The following IGF2BP1 variants were observed in gnomAD, a reference collection of about 807,000 sequenced individuals.
IGF2BP1 encodes the protein insulin like growth factor 2 mRNA binding protein 1.
IGF2BP1 carries 11 observed loss-of-function variants against 74.9 expected under a neutral mutation model. That is an observed-to-expected ratio of 0.15 (90% confidence interval 0.09 to 0.24). The LOEUF (loss-of-function observed/expected upper bound fraction) is 0.24. Ranked by LOEUF, IGF2BP1 falls within the 10% of genes least tolerant of loss-of-function variation. IGF2BP1 has a pLI of 1.00. For missense variants in IGF2BP1, 440 were observed against 757.4 expected, an observed-to-expected ratio of 0.58 and a Z score of 4.92; for synonymous variants, 287 against 281.8, an observed-to-expected ratio of 1.02 and a Z score of -0.18.
At chr17:49,034,573 CTATAAAAATTACAAAA>C (rs2041962471) in intron 5 of IGF2BP1, among the ~76,000 whole-genome samples, 1 of 151,714 alleles carries the variant, frequency 6.6e-6, no homozygotes, top group Non-Finnish European at 1.5e-5. Context: ...AACCCCATCT[CTATAAAAATTACAAAA>C]TATTAGCTGG....
intron 2 of IGF2BP1, among the ~76,000 whole-genome samples, chr17:49,007,047 T>C (rs961735994): frequency 1.4e-4 from 22 of 152,104 alleles, no homozygotes; most frequent in African/African-American, 5.3e-4. Context: ...AGTAGGGACA[T>C]TGGTGAGAGG....
At chr17:49,017,615 T>A (rs533290577) in intron 2 of IGF2BP1, among the ~76,000 whole-genome samples, 2 of 152,306 alleles carry the variant, frequency 1.3e-5, no homozygotes, top group South Asian at 4.1e-4. Context: ...ATTCATTTAT[T>A]TATTATTTTT....
Position 49,041,494 on chromosome 17 carries a change from T to C in IGF2BP1, c.935T>C (p.Ile312Thr). ...VEQDTETKIT[I>T]SSLQDLTLYN... ...CAAGATACCGAGACAAAAATCACCA[T>C]CTCCTCGTAAGGCTCTCTTCTATTT... The change falls in exon 8 of 15, where the codon ATC (isoleucine) becomes ACC (threonine). Residue 312 changes from isoleucine (I) to threonine (T), a missense_variant. Ile to Thr is a moderately conservative substitution (Grantham distance 89). This residue lies in a region of IGF2BP1 where 184 missense variants were observed against 273.4 expected (regional missense o/e 0.67). Coordinates refer to ENST00000290341, the MANE Select transcript of IGF2BP1 (RefSeq NM_006546.4). 6.2e-7 allele frequency: 1 copy of C among 1,614,088 alleles called. No individual in the cohort carries two copies. The highest frequency in any genetic ancestry group is 8.5e-7 in the Non-Finnish European group (1 of 1,180,022).
At chr17:49,040,238 TC>T (rs2042035779) in intron 7 of IGF2BP1, 147 bp downstream of exon 7, 1 of 962,638 alleles carries the variant, frequency 1.0e-6, no homozygotes, top group African/African-American at 1.6e-5. Context: ...AAATCTTTCT[TC>T]TTACAGGACT....
rs59508101 is a variant in IGF2BP1, at chr17:49,055,836, GTTTT to G, written c.*6411_*6414del. Among the ~76,000 whole-genome samples the G allele has an allele frequency of 1.6e-5, 2 of 125,888 alleles. No individual in the cohort carries two copies. Among genetic ancestry groups the G allele is most frequent in the African/African-American group, 3.1e-5 (1 of 32,532 alleles). 82.6% of individuals were successfully genotyped at this position (125,888 alleles called of 152,430 possible). On this transcript the variant is annotated 3_prime_UTR_variant, in exon 15 of 15. Transcript: ENST00000290341. Reference sequence around the variant, plus strand: ...AGCTGGAGGCCTACTGCTTGGGACAGTTTTTTTTTTTTTTTTTTTTTTAAATATG... The same window carrying G: ...AGCTGGAGGCCTACTGCTTGGGACAGTTTTTTTTTTTTTTTTTTAAATATG...
In IGF2BP1 at chr17:48,997,874, C is replaced by A. The variant is rs779218009; in HGVS notation, c.129C>A (p.Asp43Glu). 3.7e-6 allele frequency: 6 copies of A among 1,614,078 alleles called. No homozygotes were observed. The highest frequency in any genetic ancestry group is 1.1e-5 in the South Asian group (1 of 91,082). The change falls in exon 1 of 15, where the codon GAC (aspartate) becomes GAA (glutamate). Residue 43 changes from aspartate to glutamate, a missense_variant. By Grantham distance (45) the Asp-to-Glu change is conservative. This residue lies in a region of IGF2BP1 where 105 missense variants were observed against 199.4 expected (regional missense o/e 0.53). Transcript: ENST00000290341. The surrounding 1 kb of genome is among the most constrained non-coding windows in gnomAD (Gnocchi z 4.8). ...FLVKSGYAFV[D>E]CPDEHWAMKA... ...TCAAATCCGGCTACGCCTTCGTGGA[C>A]TGCCCGGACGAGCACTGGGCGATGA...
chr17:49,044,547 A>G (rs1254466134), intron 11 of IGF2BP1, among the ~76,000 whole-genome samples: 1 of 152,280 alleles, frequency 6.6e-6, no homozygotes. Context: ...AGAATCTGTC[A>G]TAGTGAAACA....
chr17:48,999,017 T>A, intron 1 of IGF2BP1, 92 bp from the exon 2 acceptor site: 1 of 767,044 alleles, frequency 1.3e-6, no homozygotes, highest in Non-Finnish European at 2.3e-6. Flanking sequence ...TCCCAGTAAC[T>A]CCTGAATTAT....
At position 49,025,659 on chromosome 17, in the gene IGF2BP1, G is replaced by A. The variant is rs759839830; in HGVS notation, c.278G>A (p.Arg93Gln). The A allele has an allele frequency of 5.6e-6, 9 of 1,611,926 alleles. No individual in the cohort carries two copies. The highest frequency in any genetic ancestry group is 2.0e-4 in the Middle Eastern group (1 of 5,052). ...IQIRNIPPQLRWEVLDSLLAQ... is the reference protein window; with the variant it reads ...IQIRNIPPQLQWEVLDSLLAQ... The stretch of plus-strand genomic sequence containing the variant: ...ATCCGAAATATTCCACCCCAGCTCC[G>A]ATGGGAAGTAAGTGTTTGGGGGAAA... Residue 93 changes from arginine (R) to glutamine (Q), a missense_variant, in exon 3 of 15, where the codon CGA becomes CAA. Physicochemically the swap from Arg to Gln is conservative, Grantham distance 43. Around this residue, in one of 5 missense-constraint regions of IGF2BP1, gnomAD observed 105 missense variants for 199.4 expected, o/e 0.53. Transcript: ENST00000290341.
At chr17:49,047,745 G>A (rs927946205) in intron 14 of IGF2BP1, among the ~76,000 whole-genome samples, 1 of 143,040 alleles carries the variant, frequency 7.0e-6, no homozygotes, top group African/African-American at 2.6e-5. Flanking sequence ...ACAGGGTCTC[G>A]CTCTGCCATC....
chr17:49,043,055 T>A (rs903041905), intron 9 of IGF2BP1, among the ~76,000 whole-genome samples: 6 of 152,098 alleles, frequency 3.9e-5, no homozygotes, highest in Non-Finnish European at 5.9e-5. Context: ...GTCCTAGAAG[T>A]CCAATGGAGC....
chr17:49,023,537 T>C (rs981487895), intron 2 of IGF2BP1, among the ~76,000 whole-genome samples: 5 of 152,182 alleles, frequency 3.3e-5, no homozygotes, highest in Non-Finnish European at 5.9e-5. Flanking sequence ...AACTAGAGCT[T>C]AGCATCCCCC....
At chr17:49,019,910 ATATATATATATATATATATATATATAT>A (rs903809506) in intron 2 of IGF2BP1, among the ~76,000 whole-genome samples, 1 of 23,888 alleles carries the variant, frequency 4.2e-5, no homozygotes, top group Non-Finnish European at 7.1e-5. Flanking sequence ...TAATTTATAT[ATATATATATATATATATATATATATAT>A]ATATATATAT....
rs1364719253 is a variant in IGF2BP1, at chr17:49,041,438, C to G, written c.879C>G (p.Gly293=). 3.1e-6 allele frequency: 5 copies of G among 1,613,976 alleles called. No individual in the cohort carries two copies. Among genetic ancestry groups the G allele is most frequent in the Non-Finnish European group, 4.2e-6 (5 of 1,179,980 alleles). ...AHNNFVGRLI[G]KEGRNLKKVE... ...ATAACTTTGTAGGGCGTCTCATTGG[C>G]AAGGAAGGACGGAACCTGAAGAAGG... is the stretch of plus-strand genomic sequence containing the variant. Residue 293 remains glycine, a synonymous_variant, in exon 8 of 15, where the codon GGC becomes GGG. Coordinates refer to ENST00000290341, the MANE Select transcript of IGF2BP1 (RefSeq NM_006546.4).
At chr17:49,012,223 T>C (rs1031109758) in intron 2 of IGF2BP1, among the ~76,000 whole-genome samples, 1 of 152,102 alleles carries the variant, frequency 6.6e-6, no homozygotes, top group African/African-American at 2.4e-5. Flanking sequence ...AAAATTGAGA[T>C]GGATGGGTCC....
rs552911451 is a variant in IGF2BP1 at position 49,015,693 on chromosome 17, C to T, written c.237-9925C>T. On this transcript the variant is annotated intron_variant, in intron 2 of 14. Transcript: ENST00000290341. ...CTCCCCTTTGGGAGCCACTCAAGGT[C>T]GGGGGAGAGGGTGGCAGTTGGAGAC... Among the ~76,000 whole-genome samples, 18 of 152,280 alleles carry T rather than the reference C, an allele frequency of 1.2e-4. No individual in the cohort carries two copies. In the South Asian group the frequency reaches 3.5e-3, roughly 30 times the overall value.
At chr17:49,040,847 T>A (rs554732058) in intron 7 of IGF2BP1, among the ~76,000 whole-genome samples, 1 of 152,248 alleles carries the variant, frequency 6.6e-6, no homozygotes, top group Non-Finnish European at 1.5e-5. Flanking sequence ...CTTTTCCTTA[T>A]CAGAAAACAG....
Position 49,000,611 on chromosome 17 carries a change from G to A in IGF2BP1, c.236+1442G>A, listed in dbSNP as rs139068585. 7.6e-3 allele frequency among the ~76,000 whole-genome samples: 1,162 copies of A among 152,282 alleles called. 7 individuals are homozygous for A. Among genetic ancestry groups the A allele is most frequent in the Non-Finnish European group, 0.013 (902 of 68,020 alleles). On this transcript the variant is annotated intron_variant, in intron 2 of 14. Coordinates refer to ENST00000290341, the MANE Select transcript of IGF2BP1 (RefSeq NM_006546.4). ...TGACACCAGCAGGTTTATTGAAAAG[G>A]ATATGGATATTTGAACTGAAAGCTG...
intron 2 of IGF2BP1, among the ~76,000 whole-genome samples, chr17:49,024,395 CAG>C (rs1488133160): frequency 6.6e-6 from 1 of 151,802 alleles, no homozygotes; most frequent in Non-Finnish European, 1.5e-5. Flanking sequence ...GTTTGGGTGA[CAG>C]AGCACTTTAC....
Sources: gnomAD v4.1 joint callset for allele counts (sites outside exome capture counted in the v4.1 genomes callset) on GRCh38, gnomAD v4.1.1 for gene constraint, gnomAD v4.1.1 regional missense constraint, Gnocchi (gnomAD v3.1) non-coding constraint, MANE v1.5 for transcripts, NCBI Gene and HGNC (gene_info 2026-07-23, HGNC 2026-07-21) for gene names.